Variants in ADGRV1 observed in about 807,000 individuals in gnomAD.
ADGRV1 encodes the protein adhesion G protein-coupled receptor V1, also known as G-protein coupled receptor 98.
ADGRV1 carries 359 observed loss-of-function variants against 596.2 expected under a neutral mutation model. That is an observed-to-expected ratio of 0.60 (90% CI 0.55 to 0.66). The LOEUF is 0.66. Among genes scored for constraint, ADGRV1 ranks in the 30% least tolerant of loss-of-function variants. ADGRV1 has a pLI of 0.00. For synonymous variants in ADGRV1, 2,681 were observed against 2,679.2 expected, an observed-to-expected ratio of 1.00 and a Z score of -0.02; for missense variants, 7,274 against 7,575.6, an observed-to-expected ratio of 0.96 and a Z score of 1.48.
At chr5:90,865,783 A>C (rs1768033392) in intron 83 of ADGRV1, among the ~76,000 whole-genome samples, 1 of 152,140 alleles carries the variant, frequency 6.6e-6, no homozygotes, top group African/African-American at 2.4e-5. Context: ...GGCTTTAAAA[A>C]ATTCTTAGAC....
At chr5:90,971,216 A>G (rs1778945941) in intron 84 of ADGRV1, among the ~76,000 whole-genome samples, 1 of 152,056 alleles carries the variant, frequency 6.6e-6, no homozygotes, top group Non-Finnish European at 1.5e-5. Flanking sequence ...GACCAAATCT[A>G]CGTCTGATTG....
chr5:91,037,730 T>C (rs1326723644), intron 85 of ADGRV1, among the ~76,000 whole-genome samples: 1 of 152,208 alleles, frequency 6.6e-6, no homozygotes, highest in African/African-American at 2.4e-5. Flanking sequence ...GTTTATGATA[T>C]CAAAGAAAGT....
At chr5:90,928,354 C>G (rs994207032) in intron 83 of ADGRV1, among the ~76,000 whole-genome samples, 2 of 151,880 alleles carry the variant, frequency 1.3e-5, no homozygotes, top group African/African-American at 4.8e-5. Flanking sequence ...TTTCTCTAAA[C>G]TTTCCTTCTC....
intron 85 of ADGRV1, among the ~76,000 whole-genome samples, chr5:91,071,166 G>A (rs558627511): frequency 6.6e-6 from 1 of 152,274 alleles, no homozygotes; most frequent in Non-Finnish European, 1.5e-5. Context: ...GTGGAGGGGA[G>A]AGAGCAGGTA....
chr5:90,584,377 A>T (rs904517663), intron 1 of ADGRV1, among the ~76,000 whole-genome samples: 1 of 152,062 alleles, frequency 6.6e-6, no homozygotes, highest in African/African-American at 2.4e-5. Flanking sequence ...TTTGTTTTTA[A>T]TTTTTACTTT....
chr5:90,872,815 C>T (rs1768824206), intron 83 of ADGRV1, among the ~76,000 whole-genome samples: 1 of 152,156 alleles, frequency 6.6e-6, no homozygotes, highest in African/African-American at 2.4e-5. Context: ...TGCTTCTTCC[C>T]TCCACTTCCT....
At chr5:90,855,508 A>G (rs969156194) in intron 81 of ADGRV1, among the ~76,000 whole-genome samples, 2 of 152,136 alleles carry the variant, frequency 1.3e-5, no homozygotes, top group Admixed American at 6.6e-5. Context: ...GGTACCAGGA[A>G]TGCCTTCAAA....
intron 1 of ADGRV1, among the ~76,000 whole-genome samples, chr5:90,599,492 A>G (rs1761137039): frequency 6.6e-6 from 1 of 152,222 alleles, no homozygotes; most frequent in East Asian, 1.9e-4. Flanking sequence ...GGTACTTAAC[A>G]ATCTTCAATG....
chr5:90,701,783 A>G (rs1298486685), intron 34 of ADGRV1, among the ~76,000 whole-genome samples: 1 of 151,710 alleles, frequency 6.6e-6, no homozygotes, highest in Non-Finnish European at 1.5e-5. Flanking sequence ...TAAGCATTTT[A>G]TTTTTACTTT....
intron 83 of ADGRV1, among the ~76,000 whole-genome samples, chr5:90,898,263 C>T (rs1344061348): frequency 1.3e-5 from 2 of 152,168 alleles, no homozygotes; most frequent in African/African-American, 4.8e-5. Context: ...TAATGGATAA[C>T]ACTTTCTGTT....
At position 90,665,115 on chromosome 5, in the gene ADGRV1, A is replaced by T. The variant is rs538668921; in HGVS notation, c.4752+6837A>T. 8.0e-5 allele frequency among the ~76,000 whole-genome samples: 12 copies of T among 149,240 alleles called. No individual in the cohort carries two copies. The East Asian group carries it at 2.2e-3, about 28-fold the overall frequency. The stretch of plus-strand genomic sequence containing the variant: ...TCTGCCTGGCTTTGGTATCAGAATG[A>T]TGCTGGCCTCATAAAATGAGTTAGG... On this transcript the variant is annotated intron_variant, in intron 21 of 89. Transcript: ENST00000405460.
intron 87 of ADGRV1, among the ~76,000 whole-genome samples, chr5:91,104,233 G>T (rs1247294744): frequency 6.6e-6 from 1 of 152,134 alleles, no homozygotes; most frequent in Non-Finnish European, 1.5e-5. Context: ...AGATGTTCTG[G>T]CAGTGTGCCT....
chr5:91,102,420 C>A, intron 87 of ADGRV1, 80 bp downstream of exon 87: 1 of 1,242,200 alleles, frequency 8.1e-7, no homozygotes, highest in Non-Finnish European at 1.1e-6. Context: ...ATTAAAGAGT[C>A]AAGCATCCAC....
At chr5:90,776,655 T>G (rs1758272737) in intron 61 of ADGRV1, 79 bp downstream of exon 61, 8 of 1,401,260 alleles carry the variant, frequency 5.7e-6, no homozygotes, top group Non-Finnish European at 8.1e-6. Flanking sequence ...AGTTTATCAT[T>G]CTCAATACAT....
chr5:90,571,699 CTG>C (rs1756547524), intron 1 of ADGRV1, among the ~76,000 whole-genome samples: 1 of 152,158 alleles, frequency 6.6e-6, no homozygotes, highest in Non-Finnish European at 1.5e-5. Flanking sequence ...AATGACAACT[CTG>C]TGAATTGGGC....
In ADGRV1 at chr5:90,787,117, A is replaced by G. The variant is rs1759533813; in HGVS notation, c.13654-954A>G. Among the ~76,000 whole-genome samples the G allele has an allele frequency of 3.3e-5, 5 of 152,342 alleles. No individual in the cohort carries two copies. In the South Asian group the frequency reaches 1.0e-3, roughly 32 times the overall value. ...AAAGCAGGTGGCACATGAGTATCAC[A>G]TAAGCCAAGACGACAGGACATGGTG... is the stretch of plus-strand genomic sequence containing the variant. On this transcript the variant is annotated intron_variant, in intron 67 of 89. Coordinates refer to ENST00000405460, the MANE Select transcript of ADGRV1 (RefSeq NM_032119.4).
intron 89 of ADGRV1, among the ~76,000 whole-genome samples, chr5:91,157,366 T>C (rs73771202): frequency 0.041 from 6,184 of 152,306 alleles, 332 homozygotes; most frequent in African/African-American, 0.12. Flanking sequence ...ACTTTTACAT[T>C]ATTGTTTGAA....
intron 85 of ADGRV1, among the ~76,000 whole-genome samples, chr5:91,069,209 A>G (rs1464940035): frequency 6.6e-6 from 1 of 152,214 alleles, no homozygotes; most frequent in African/African-American, 2.4e-5. Context: ...CCTAGGAAAT[A>G]CCATTCTGGA....
At chr5:90,993,348 G>C (rs1304358851) in intron 85 of ADGRV1, among the ~76,000 whole-genome samples, 2 of 151,598 alleles carry the variant, frequency 1.3e-5, no homozygotes, top group Admixed American at 6.6e-5. Context: ...TAGTAGAGAC[G>C]GGGTTTCACC....
Sources: allele counts gnomAD v4.1 joint callset (sites outside exome capture counted in the v4.1 genomes callset), GRCh38; gene constraint gnomAD v4.1.1; transcripts MANE v1.5; gene names NCBI Gene and HGNC (gene_info 2026-07-23, HGNC 2026-07-21).